The following NEK10 variants were observed in gnomAD, a reference collection of about 807,000 sequenced individuals.
NEK10 encodes serine/threonine-protein kinase Nek10.
Under a neutral mutation model 159.8 loss-of-function variants are expected in NEK10, and 122 were observed. That is an observed-to-expected ratio of 0.76 (90% CI 0.66 to 0.89). The LOEUF (loss-of-function observed/expected upper bound fraction) is 0.89. Ranked by LOEUF, NEK10 falls within the 40% of genes least tolerant of loss-of-function variation. NEK10 has a pLI of 0.00. For missense variants in NEK10, 1,342 were observed against 1,323.1 expected, an observed-to-expected ratio of 1.01 and a Z score of -0.22; for synonymous variants, 466 against 457.1, an observed-to-expected ratio of 1.02 and a Z score of -0.25.
At chr3:27,355,444 C>A (rs942857853) in intron 1 of NEK10, among the ~76,000 whole-genome samples, 5 of 152,174 alleles carry the variant, frequency 3.3e-5, no homozygotes, top group Non-Finnish European at 7.4e-5. Context: ...CCCCTAGTAA[C>A]AAATGCCCCT....
At chr3:27,154,549 C>T (rs1945216186) in intron 30 of NEK10, among the ~76,000 whole-genome samples, 1 of 152,036 alleles carries the variant, frequency 6.6e-6, no homozygotes, top group South Asian at 2.1e-4. Context: ...AAATCCTTAA[C>T]AAAATACTAG....
chr3:27,279,073 A>G (rs1036879398), intron 22 of NEK10: 5 of 218,470 alleles, frequency 2.3e-5, no homozygotes, highest in African/African-American at 9.4e-5. Flanking sequence ...CAAGCATAGC[A>G]GAATATGTGA....
intron 20 of NEK10, among the ~76,000 whole-genome samples, chr3:27,287,136 TAAA>T (rs36078735): frequency 4.5e-5 from 6 of 134,462 alleles, no homozygotes; most frequent in Admixed American, 1.5e-4. Flanking sequence ...AGGCCCTACT[TAAA>T]AAAAAAAAAA....
At chr3:27,190,110 A>G (rs946354702) in intron 26 of NEK10, among the ~76,000 whole-genome samples, 3 of 152,184 alleles carry the variant, frequency 2.0e-5, no homozygotes, top group Non-Finnish European at 4.4e-5. Context: ...AAAGTCATAC[A>G]ATATATTCAA....
At chr3:27,361,981 T>G (rs2048717971) in intron 1 of NEK10, among the ~76,000 whole-genome samples, 2 of 152,130 alleles carry the variant, frequency 1.3e-5, no homozygotes, top group South Asian at 4.1e-4. Context: ...GCTGATAATG[T>G]CTCTTTGTAA....
At chr3:27,288,935 G>C (rs2042807725) in intron 19 of NEK10, among the ~76,000 whole-genome samples, 1 of 152,120 alleles carries the variant, frequency 6.6e-6, no homozygotes, top group Non-Finnish European at 1.5e-5. Context: ...CCCAGTTAGA[G>C]AAGATTTCTC....
At chr3:27,197,008 C>G (rs1949616855) in intron 25 of NEK10, among the ~76,000 whole-genome samples, 1 of 151,902 alleles carries the variant, frequency 6.6e-6, no homozygotes, top group Non-Finnish European at 1.5e-5. Context: ...CAAAATTGCT[C>G]AAGTATTTAC....
chr3:27,116,129 T>C lies in NEK10; in HGVS notation c.3191-2A>G. ...CCAATTCAATGCTGGTTGGTAAACCTAAAAAAGATAAATTATGGAAAGTCT... is the reference window on the plus strand; with the variant it reads ...CCAATTCAATGCTGGTTGGTAAACCCAAAAAAGATAAATTATGGAAAGTCT... On this transcript the variant is annotated splice_acceptor_variant, in intron 33 of 35. Transcript: ENST00000691995. LOFTEE classifies it high-confidence loss of function. 2 of 1,612,944 alleles carry C rather than the reference T, an allele frequency of 1.2e-6. No homozygotes were observed. The highest frequency in any genetic ancestry group is 1.7e-6 in the Non-Finnish European group (2 of 1,179,238).
chr3:27,155,709 A>C (rs1335802737), intron 30 of NEK10, among the ~76,000 whole-genome samples: 4 of 152,078 alleles, frequency 2.6e-5, no homozygotes, highest in Non-Finnish European at 5.9e-5. Flanking sequence ...GAAAATGACC[A>C]TACTTCCAAA....
chr3:27,200,450 C>T (rs749035452), intron 25 of NEK10, among the ~76,000 whole-genome samples: 2 of 152,106 alleles, frequency 1.3e-5, no homozygotes, highest in Non-Finnish European at 2.9e-5. Context: ...AAGTACCCAA[C>T]TTAAGTACTC....
intron 29 of NEK10, among the ~76,000 whole-genome samples, chr3:27,169,141 TG>T (rs1559544652): frequency 6.6e-6 from 1 of 152,218 alleles, no homozygotes; most frequent in Non-Finnish European, 1.5e-5. Context: ...TTCATCTGAT[TG>T]GAAATTGTCA....
At chr3:27,236,205 AG>A (rs1467969564) in intron 23 of NEK10, among the ~76,000 whole-genome samples, 4 of 152,134 alleles carry the variant, frequency 2.6e-5, no homozygotes, top group Non-Finnish European at 5.9e-5. Flanking sequence ...ATGGATGCTA[AG>A]TTTAATACCT....
rs776721163 is a variant in NEK10, at chr3:27,106,976, A to G, written c.*4296T>C. Among the ~76,000 whole-genome samples the G allele has an allele frequency of 2.0e-5, 3 of 152,178 alleles. No individual in the cohort carries two copies. The highest frequency in any genetic ancestry group is 2.0e-4 in the Admixed American group (3 of 15,266). On this transcript the variant is annotated 3_prime_UTR_variant, in exon 36 of 36. Coordinates refer to ENST00000691995, the MANE Select transcript of NEK10 (RefSeq NM_001394966.1). ...GTGCACATCTTCACAGTACAAAAGG[A>G]AAGGAGAGAAAAAGGCAGTTTCTCA...
intron 25 of NEK10, chr3:27,194,671 G>A (rs182947630): frequency 2.6e-5 from 4 of 152,260 alleles, no homozygotes; most frequent in African/African-American, 9.6e-5. Context: ...AGATCCATTT[G>A]TCCTTGGAGC....
intron 29 of NEK10, among the ~76,000 whole-genome samples, chr3:27,168,310 T>G (rs1000571208): frequency 1.3e-5 from 2 of 152,126 alleles, no homozygotes; most frequent in African/African-American, 2.4e-5. Flanking sequence ...CAATTTATTT[T>G]TATTCTATTA....
At chr3:27,318,369 A>T (rs2045365684) in intron 6 of NEK10, among the ~76,000 whole-genome samples, 1 of 142,940 alleles carries the variant, frequency 7.0e-6, no homozygotes, top group African/African-American at 2.4e-5. Flanking sequence ...AAAGTTATTG[A>T]GTATAATATG....
At chr3:27,229,118 A>G (rs1313615994) in intron 23 of NEK10, among the ~76,000 whole-genome samples, 2 of 152,220 alleles carry the variant, frequency 1.3e-5, no homozygotes, top group Admixed American at 6.5e-5. Flanking sequence ...GCACCTCAAG[A>G]GAATGAGATA....
At position 27,203,463 on chromosome 3, in the gene NEK10, T is replaced by C. The variant is rs970140179; in HGVS notation, c.2091-906A>G. On this transcript the variant is annotated intron_variant, in intron 23 of 35. Coordinates refer to ENST00000691995, the MANE Select transcript of NEK10 (RefSeq NM_001394966.1). ...CGGTTCATGAATCTATTTTTTAATT[T>C]AATTAGATTTAATTTTTGTGAAGGC... Among the ~76,000 whole-genome samples, 7 of 152,362 alleles carry C rather than the reference T, an allele frequency of 4.6e-5. No homozygotes were observed. In the East Asian group the frequency reaches 1.2e-3, roughly 25 times the overall value.
chr3:27,200,974 T>C (rs759140952), intron 25 of NEK10, among the ~76,000 whole-genome samples: 6 of 152,088 alleles, frequency 3.9e-5, no homozygotes, highest in Admixed American at 2.0e-4. Flanking sequence ...CCAGCAGGGA[T>C]TGGCCAAAAC....
Sources: allele counts gnomAD v4.1 joint callset (sites outside exome capture counted in the v4.1 genomes callset), GRCh38; gene constraint gnomAD v4.1.1; transcripts MANE v1.5; gene names NCBI Gene and HGNC (gene_info 2026-07-23, HGNC 2026-07-21).